CPED1: variants seen among roughly 807,000 people sequenced by gnomAD.
CPED1 encodes the protein cadherin like and PC-esterase domain containing 1, also known as cadherin-like and PC-esterase domain-containing protein 1.
In CPED1, 114 loss-of-function variants were observed where a neutral mutation model predicts 128.2. That is an observed-to-expected ratio of 0.89 (90% CI 0.76 to 1.04). CPED1 has a LOEUF of 1.04. Ranked by LOEUF, CPED1 falls within the 50% of genes least tolerant of loss-of-function variation. The pLI is 0.00. For missense variants in CPED1, 1,211 were observed against 1,207.1 expected (o/e 1.00, Z -0.05); for synonymous variants, 462 against 426.7 (o/e 1.08, Z -1.02).
intron 7 of CPED1, among the ~76,000 whole-genome samples, chr7:121,121,125 G>A (rs934382396): frequency 5.9e-5 from 9 of 152,030 alleles, no homozygotes; most frequent in Admixed American, 3.3e-4. Flanking sequence ...ATAATGAGGC[G>A]GAACCCAGAA....
At chr7:121,047,460 A>G (rs1003960136) in intron 4 of CPED1, among the ~76,000 whole-genome samples, 1 of 152,172 alleles carries the variant, frequency 6.6e-6, no homozygotes, top group Non-Finnish European at 1.5e-5. Context: ...AGAAAACTTA[A>G]CTAAAAAAAT....
chr7:121,214,290 A>G (rs943567337), intron 16 of CPED1, among the ~76,000 whole-genome samples: 7 of 151,818 alleles, frequency 4.6e-5, no homozygotes, highest in African/African-American at 1.7e-4. Context: ...AGAGTATTTT[A>G]TCTTTATTAT....
chr7:121,147,422 G>T (rs1796047474), intron 16 of CPED1, among the ~76,000 whole-genome samples: 1 of 152,012 alleles, frequency 6.6e-6, no homozygotes, highest in South Asian at 2.1e-4. Flanking sequence ...CCCATAAACA[G>T]TATAATGTTT....
At chr7:121,103,410 T>G (rs1794899508) in intron 7 of CPED1, among the ~76,000 whole-genome samples, 2 of 152,192 alleles carry the variant, frequency 1.3e-5, no homozygotes, top group South Asian at 4.1e-4. Context: ...CAGATAAGTT[T>G]CAGAAAACAA....
chr7:121,206,847 C>G (rs1331743080), intron 16 of CPED1, among the ~76,000 whole-genome samples: 1 of 151,938 alleles, frequency 6.6e-6, no homozygotes, highest in Non-Finnish European at 1.5e-5. Context: ...TGTTCTCCAC[C>G]TATCCCATCA....
At position 121,125,908 on chromosome 7, in the gene CPED1, G is replaced by C. The variant is rs201765489; in HGVS notation, c.1134+16G>C. On this transcript the variant is annotated intron_variant, in intron 9 of 22. Transcript: ENST00000310396. ...AGTGCTCCAGGTCAGTATGCCAAAG[G>C]CCTCATGTGAGCTTCTACCTTGTGG... is the stretch of plus-strand genomic sequence containing the variant. 35 of 1,551,426 alleles carry C rather than the reference G, an allele frequency of 2.3e-5. No individual in the cohort carries two copies. In the Middle Eastern group the frequency reaches 5.1e-4, roughly 22 times the overall value.
chr7:121,199,492 G>A (rs918370307), intron 16 of CPED1, among the ~76,000 whole-genome samples: 34 of 151,606 alleles, frequency 2.2e-4, no homozygotes, highest in Admixed American at 8.5e-4. Context: ...ATCCTGGCCA[G>A]CATGGTGAAA....
At chr7:121,211,174 T>C (rs902747246) in intron 16 of CPED1, among the ~76,000 whole-genome samples, 10 of 152,028 alleles carry the variant, frequency 6.6e-5, no homozygotes, top group African/African-American at 2.2e-4. Context: ...TGTAATACCA[T>C]AGGGAAAGAT....
intron 18 of CPED1, among the ~76,000 whole-genome samples, chr7:121,246,450 C>G (rs972758743): frequency 6.6e-6 from 1 of 152,182 alleles, no homozygotes; most frequent in African/African-American, 2.4e-5. Context: ...TCAGTATGGT[C>G]AGGTTCTTGG....
At chr7:121,026,516 A>C (rs1423341684) in intron 3 of CPED1, among the ~76,000 whole-genome samples, 1 of 152,144 alleles carries the variant, frequency 6.6e-6, no homozygotes, top group African/African-American at 2.4e-5. Flanking sequence ...AGACACTTCC[A>C]CATCCCTGCT....
intron 4 of CPED1, among the ~76,000 whole-genome samples, chr7:121,052,820 T>C (rs1262682395): frequency 1.3e-5 from 2 of 152,130 alleles, no homozygotes; most frequent in Non-Finnish European, 1.5e-5. Flanking sequence ...CCTCCTGGGT[T>C]CAAGTGATTC....
intron 16 of CPED1, among the ~76,000 whole-genome samples, chr7:121,192,406 A>G (rs1397879556): frequency 6.6e-6 from 1 of 152,148 alleles, no homozygotes; most frequent in Non-Finnish European, 1.5e-5. Flanking sequence ...ATCTAAAAAC[A>G]TCTGAAGTCC....
At chr7:121,163,256 A>G (rs1309590806) in intron 16 of CPED1, among the ~76,000 whole-genome samples, 1 of 152,212 alleles carries the variant, frequency 6.6e-6, no homozygotes, top group Non-Finnish European at 1.5e-5. Flanking sequence ...ACTCCCCACA[A>G]CATTCTATTA....
chr7:121,025,453 C>A (rs188112804), intron 3 of CPED1, among the ~76,000 whole-genome samples: 17 of 152,186 alleles, frequency 1.1e-4, no homozygotes, highest in Non-Finnish European at 2.4e-4. Context: ...TATATAAATT[C>A]TATTTAAATA....
At chr7:121,103,531 C>G (rs757972507) in intron 7 of CPED1, among the ~76,000 whole-genome samples, 2 of 152,158 alleles carry the variant, frequency 1.3e-5, no homozygotes, top group Non-Finnish European at 2.9e-5. Context: ...CTGCTTTCTA[C>G]TGGTATTTTT....
At chr7:121,251,005 A>G (rs556228812) in intron 18 of CPED1, among the ~76,000 whole-genome samples, 1 of 152,334 alleles carries the variant, frequency 6.6e-6, no homozygotes, top group East Asian at 1.9e-4. Flanking sequence ...TGGCAGAGAC[A>G]CAACAAAAAA....
intron 5 of CPED1, among the ~76,000 whole-genome samples, chr7:121,083,195 A>G (rs1163396160): frequency 2.6e-5 from 4 of 152,124 alleles, no homozygotes; most frequent in African/African-American, 7.2e-5. Flanking sequence ...TCTGCAAACC[A>G]TCTACAGCCT....
chr7:121,142,908 A>G (rs10234955), intron 16 of CPED1, among the ~76,000 whole-genome samples: 98,812 of 151,714 alleles, frequency 0.65, 32,499 homozygotes, highest in East Asian at 0.89. Context: ...CACATTATAT[A>G]TTACTGGGAG....
intron 18 of CPED1, among the ~76,000 whole-genome samples, chr7:121,253,164 G>T (rs1452706423): frequency 6.6e-6 from 1 of 151,916 alleles, no homozygotes; most frequent in Non-Finnish European, 1.5e-5. Context: ...CCTTTGTAGG[G>T]ACATGGATGA....
Sources: allele counts gnomAD v4.1 joint callset (sites outside exome capture counted in the v4.1 genomes callset), GRCh38; gene constraint gnomAD v4.1.1; transcripts MANE v1.5; gene names NCBI Gene and HGNC (gene_info 2026-07-23, HGNC 2026-07-21).